The following TBC1D20 variants were observed in gnomAD, a reference collection of about 807,000 sequenced individuals.
TBC1D20 encodes TBC1 domain family member 20, also known as chromosome 20 open reading frame 140.
Under a neutral mutation model 41.6 loss-of-function variants are expected in TBC1D20, and 12 were observed. The ratio of observed to expected loss-of-function variants is 0.29; its 90% CI spans 0.18 to 0.47. The LOEUF is 0.47. TBC1D20 is among the 20% of genes least tolerant of loss of function. TBC1D20 has a pLI of 1.00. For missense variants in TBC1D20, 421 were observed against 517.4 expected, an observed-to-expected ratio of 0.81 and a Z score of 1.81; for synonymous variants, 205 against 204.8, an observed-to-expected ratio of 1.00 and a Z score of -0.01.
chr20:445,586 A>AT (rs1449299445), intron 2 of TBC1D20, among the ~76,000 whole-genome samples: 8 of 152,246 alleles, frequency 5.3e-5, no homozygotes, highest in Admixed American at 6.5e-5. Flanking sequence ...TTAGAAAGGT[A>AT]TATTGAGACT....
At chr20:454,554 C>CA (rs1284431274) in intron 1 of TBC1D20, among the ~76,000 whole-genome samples, 1 of 152,134 alleles carries the variant, frequency 6.6e-6, no homozygotes, top group Non-Finnish European at 1.5e-5. Flanking sequence ...ACAGAAGGTA[C>CA]ATTAGGTTTT....
intron 3 of TBC1D20, 85 bp downstream of exon 3, chr20:444,965 C>G (rs2017303622): frequency 1.6e-6 from 2 of 1,244,200 alleles, no homozygotes; most frequent in Admixed American, 2.0e-5. Flanking sequence ...CCTGAGGCGG[C>G]AGGGTCCAGC....
chr20:462,145 G>GA (rs1555756628), intron 1 of TBC1D20, among the ~76,000 whole-genome samples, 191 bp downstream of exon 1: 1 of 152,038 alleles, frequency 6.6e-6, no homozygotes. Flanking sequence ...ACCCGCCCGA[G>GA]CCCCCCCAGT....
intron 2 of TBC1D20, among the ~76,000 whole-genome samples, chr20:446,637 G>A (rs1011452412): frequency 6.6e-5 from 10 of 151,738 alleles, no homozygotes; most frequent in African/African-American, 1.7e-4. Context: ...CACTGTGCCC[G>A]GACAAAAGAG....
intron 1 of TBC1D20, among the ~76,000 whole-genome samples, 164 bp from the exon 2 acceptor site, chr20:448,238 C>T (rs892090292): frequency 3.3e-5 from 5 of 152,166 alleles, no homozygotes; most frequent in Non-Finnish European, 7.3e-5. Context: ...CTATTCATTT[C>T]GGGCCCAGTC....
intron 1 of TBC1D20, among the ~76,000 whole-genome samples, chr20:461,679 T>A (rs157800): frequency 0.45 from 68,094 of 152,102 alleles, 16,064 homozygotes; most frequent in East Asian, 0.73. Flanking sequence ...CACAATTGAA[T>A]AACATTAAAA....
At position 462,438 on chromosome 20, in the gene TBC1D20, G is replaced by T; in HGVS notation, c.-33C>A. ...GGCCCCGGGCCCCCACCCGAGCCCC[G>T]GCTGGTGGCGGAGCCGGGAGAAGAC... On this transcript the variant is annotated 5_prime_UTR_variant, in exon 1 of 8. Coordinates refer to ENST00000354200, the MANE Select transcript of TBC1D20 (RefSeq NM_144628.4). 8.5e-7 allele frequency: 1 copy of T among 1,172,484 alleles called. No homozygotes were observed. The highest frequency in any genetic ancestry group is 1.1e-6 in the Non-Finnish European group (1 of 935,616). 72.6% of individuals were successfully genotyped at this position (1,172,484 alleles called of 1,614,324 possible).
At chr20:456,933 ATTTT>A (rs11471255) in intron 1 of TBC1D20, among the ~76,000 whole-genome samples, 177 of 128,180 alleles carry the variant, frequency 1.4e-3, no homozygotes, top group Admixed American at 2.6e-3. Context: ...CCTTCTTTTA[ATTTT>A]TTTTTTTTTT....
chr20:456,875 T>C (rs889938435), intron 1 of TBC1D20, among the ~76,000 whole-genome samples: 1 of 151,692 alleles, frequency 6.6e-6, no homozygotes, highest in African/African-American at 2.4e-5. Context: ...CAAGAATGAC[T>C]ACTTCTAAAG....
intron 3 of TBC1D20, among the ~76,000 whole-genome samples, chr20:444,324 C>G (rs1288047797): frequency 6.6e-6 from 1 of 152,120 alleles, no homozygotes; most frequent in Non-Finnish European, 1.5e-5. Context: ...ACAACAAAAG[C>G]CAGGCCAGAG....
At chr20:448,771 C>A (rs2017386776) in intron 1 of TBC1D20, among the ~76,000 whole-genome samples, 1 of 151,898 alleles carries the variant, frequency 6.6e-6, no homozygotes, top group Non-Finnish European at 1.5e-5. Context: ...GATCCTCCCA[C>A]CTCAGCCTTC....
At chr20:452,717 A>G (rs1241161984) in intron 1 of TBC1D20, among the ~76,000 whole-genome samples, 3 of 152,242 alleles carry the variant, frequency 2.0e-5, no homozygotes, top group African/African-American at 7.2e-5. Context: ...GAAGTGGAAG[A>G]TATCACCAGA....
At chr20:451,263 G>A (rs1388035309) in intron 1 of TBC1D20, among the ~76,000 whole-genome samples, 1 of 152,112 alleles carries the variant, frequency 6.6e-6, no homozygotes, top group Non-Finnish European at 1.5e-5. Context: ...ATACATTCTT[G>A]GCCGGGGACG....
intron 6 of TBC1D20, 60 bp downstream of exon 6, chr20:440,188 A>C: frequency 1.9e-6 from 3 of 1,578,522 alleles, no homozygotes. Context: ...CTTCAGGGAA[A>C]ATGACCACAG....
At chr20:461,255 T>C (rs1208898215) in intron 1 of TBC1D20, among the ~76,000 whole-genome samples, 1 of 152,224 alleles carries the variant, frequency 6.6e-6, no homozygotes, top group Non-Finnish European at 1.5e-5. Context: ...CTGTCATGTA[T>C]TTATTGAATG....
chr20:447,723 A>C (rs540001673), intron 2 of TBC1D20, among the ~76,000 whole-genome samples, 166 bp downstream of exon 2: 1 of 152,298 alleles, frequency 6.6e-6, no homozygotes, highest in South Asian at 2.1e-4. Flanking sequence ...AATTCTACTT[A>C]TCGGTTTGGC....
chr20:435,858 A>G lies in TBC1D20; in HGVS notation c.*2728T>C, dbSNP rs189415271. 5.7e-3 allele frequency: 884 copies of G among 154,016 alleles called. 2 individuals carry two copies. The highest frequency in any genetic ancestry group is 9.7e-3 in the Non-Finnish European group (668 of 68,832). The allele number at this position is 154,016 out of a possible 1,614,324, so 9.5% of individuals were successfully genotyped here. A position where few individuals can be genotyped will look rare whatever the true frequency, so the allele number is the denominator to read the frequency against. ...GCGTTCCTCCTTCCGGGTATGGGGC[A>G]GCACCCTCTCTGGAATGAGGGTCTT... is the stretch of plus-strand genomic sequence containing the variant. On this transcript the variant is annotated 3_prime_UTR_variant, in exon 8 of 8. Coordinates refer to ENST00000354200, the MANE Select transcript of TBC1D20 (RefSeq NM_144628.4).
chr20:441,789 G>T, intron 4 of TBC1D20, 68 bp downstream of exon 4: 1 of 1,592,256 alleles, frequency 6.3e-7, no homozygotes, highest in Non-Finnish European at 8.6e-7. Flanking sequence ...CAGAAAACAG[G>T]CCAGTGAGTT....
intron 1 of TBC1D20, among the ~76,000 whole-genome samples, chr20:460,434 CAA>C (rs10580827): frequency 0.01 from 1,302 of 128,676 alleles, 14 homozygotes; most frequent in Middle Eastern, 0.045. Context: ...TCCCATCTCT[CAA>C]AAAAAAAAAA....
Sources: gnomAD v4.1 joint callset for allele counts (sites outside exome capture counted in the v4.1 genomes callset) on GRCh38, gnomAD v4.1.1 for gene constraint, MANE v1.5 for transcripts, NCBI Gene and HGNC (gene_info 2026-07-23, HGNC 2026-07-21) for gene names.